The following FAM131B variants were observed in gnomAD, a reference collection of about 807,000 sequenced individuals.
The protein encoded by FAM131B is family with sequence similarity 131 member B.
FAM131B carries 19 observed loss-of-function variants against 42.0 expected under a neutral mutation model. That is an observed-to-expected ratio of 0.45 (90% confidence interval 0.32 to 0.66). FAM131B has a LOEUF of 0.66. FAM131B is among the 30% of genes least tolerant of loss of function. FAM131B has a pLI of 0.05. For missense variants in FAM131B, 370 were observed against 468.4 expected (o/e 0.79, Z 1.94); for synonymous variants, 183 against 177.6 (o/e 1.03, Z -0.24).
At chr7:143,376,970 T>C in the FAM131B span, among the ~76,000 whole-genome samples, 1 of 152,234 alleles carries the variant, frequency 6.6e-6, no homozygotes, top group Non-Finnish European at 1.5e-5. Context: ...ACAATTCTTT[T>C]TTATTTGTTT....
At chr7:143,373,677 G>A in the FAM131B span, among the ~76,000 whole-genome samples, 1 of 152,170 alleles carries the variant, frequency 6.6e-6, no homozygotes, top group African/African-American at 2.4e-5. Flanking sequence ...GGGCCTACAT[G>A]CTCTGAAGGC....
rs1366596854 is a variant in FAM131B at position 143,358,822 on chromosome 7, T to C, written c.466+5A>G. ...GTGTCTCTTGAGGCTTTAGGGTACCTGTACCTGCTAGAAAACGTGCCTCCT... is the reference window on the plus strand; with the variant it reads ...GTGTCTCTTGAGGCTTTAGGGTACCCGTACCTGCTAGAAAACGTGCCTCCT... On this transcript the variant is annotated splice_donor_5th_base_variant and intron_variant, in intron 5 of 6. Transcript: ENST00000443739. This position sits in a 1 kb window ranked among gnomAD's most constrained non-coding sequence, Gnocchi z 4.7. The C allele has an allele frequency of 6.2e-7, 1 of 1,613,436 alleles. No individual in the cohort carries two copies. The highest frequency in any genetic ancestry group is 1.1e-5 in the South Asian group (1 of 90,938).
upstream of FAM131B, among the ~76,000 whole-genome samples, chr7:143,366,043 C>T (rs1316105709): frequency 4.6e-5 from 7 of 152,178 alleles, no homozygotes; most frequent in African/African-American, 1.7e-4. Flanking sequence ...TGAGCCATCG[C>T]ACCTGGCCAA....
At position 143,355,623 on chromosome 7, in the gene FAM131B, A is replaced by G. The variant is rs931744555; in HGVS notation, c.*927T>C. On this transcript the variant is annotated 3_prime_UTR_variant, in exon 7 of 7. Coordinates refer to ENST00000443739, the MANE Select transcript of FAM131B (RefSeq NM_001031690.3). The surrounding 1 kb of genome is among the most constrained non-coding windows in gnomAD (Gnocchi z 4.1). ...GGGTGAATAAGGGGAGACAGCCCTC[A>G]TGCTCCCCCTGCTGTTGGCGACACC... 2 of 152,620 alleles carry G rather than the reference A, an allele frequency of 1.3e-5. No homozygotes were observed. Among genetic ancestry groups the G allele is most frequent in the African/African-American group, 4.8e-5 (2 of 41,440 alleles). 9.5% of individuals were successfully genotyped at this position (152,620 alleles called of 1,614,324 possible).
chr7:143,375,494 G>A, the FAM131B span, among the ~76,000 whole-genome samples: 1 of 152,126 alleles, frequency 6.6e-6, no homozygotes, highest in East Asian at 1.9e-4. Context: ...CATCTCTGGG[G>A]GTGGCATAAA....
the FAM131B span, among the ~76,000 whole-genome samples, chr7:143,373,095 A>C: frequency 6.6e-6 from 1 of 151,286 alleles, no homozygotes; most frequent in Non-Finnish European, 1.5e-5. Flanking sequence ...ATTTATTTTT[A>C]CTCTTGGCCA....
Position 143,356,352 on chromosome 7 carries a change from C to T in FAM131B, c.*198G>A. The T allele has an allele frequency of 3.5e-6, 2 of 579,052 alleles. No homozygotes were observed. The highest frequency in any genetic ancestry group is 6.1e-6 in the Non-Finnish European group (2 of 325,898). The allele number at this position is 579,052 out of a possible 1,614,324, so 35.9% of individuals were successfully genotyped here. ...CCATCTAGTTGCCCAGGTCTCAGTT[C>T]CCAGGCCTGTGGGTTTCTAGAGTGT... On this transcript the variant is annotated 3_prime_UTR_variant, in exon 7 of 7. Coordinates refer to ENST00000443739, the MANE Select transcript of FAM131B (RefSeq NM_001031690.3). The surrounding 1 kb of genome is among the most constrained non-coding windows in gnomAD (Gnocchi z 4.4).
In FAM131B at chr7:143,358,408, T is replaced by C. The variant is rs1161584816; in HGVS notation, c.466+419A>G. ...CTCTCACACAGTTCCCTTAATCTTC[T>C]AGTGGTTGTCACAAGTAATGAGTCT... On this transcript the variant is annotated intron_variant, in intron 5 of 6. Coordinates refer to ENST00000443739, the MANE Select transcript of FAM131B (RefSeq NM_001031690.3). This position sits in a 1 kb window ranked among gnomAD's most constrained non-coding sequence, Gnocchi z 4.7. Among the ~76,000 whole-genome samples, 1 of 152,206 alleles carries C rather than the reference T, an allele frequency of 6.6e-6. No homozygotes were observed. The highest frequency in any genetic ancestry group is 1.5e-5 in the Non-Finnish European group (1 of 68,038).
chr7:143,375,167 A>C, the FAM131B span, among the ~76,000 whole-genome samples: 1 of 152,184 alleles, frequency 6.6e-6, no homozygotes. Context: ...GCTTTACCAA[A>C]TACAGGGCCT....
chr7:143,380,628 T>A, the FAM131B span: 1 of 985,300 alleles, frequency 1.0e-6, no homozygotes, highest in Middle Eastern at 5.2e-4. The surrounding 1 kb of genome is among the most constrained non-coding windows in gnomAD (Gnocchi z 5.0). Context: ...GCTGGGGCGC[T>A]GGGGATGCGA....
chr7:143,378,805 G>A, the FAM131B span, among the ~76,000 whole-genome samples: 7 of 152,128 alleles, frequency 4.6e-5, no homozygotes, highest in African/African-American at 1.4e-4. Flanking sequence ...TCAAACTTCC[G>A]ACCTCAAGTG....
At chr7:143,367,303 A>G (rs1563099812), upstream of FAM131B, among the ~76,000 whole-genome samples, 1 of 152,230 alleles carries the variant, frequency 6.6e-6, no homozygotes, top group African/African-American at 2.4e-5. Context: ...TCTGTTGGAC[A>G]CTATGAAAGA....
Position 143,355,194 on chromosome 7 carries a change from G to A in FAM131B, c.*1356C>T, listed in dbSNP as rs778886453. Reference sequence around the variant, plus strand: ...AAGTGCTCTCCAACCCCACAGCACCGCTGCTTTGCTCCGCCCATCCTCTGC... The same window carrying A: ...AAGTGCTCTCCAACCCCACAGCACCACTGCTTTGCTCCGCCCATCCTCTGC... On this transcript the variant is annotated 3_prime_UTR_variant, in exon 7 of 7. Transcript: ENST00000443739. The surrounding 1 kb of genome is among the most constrained non-coding windows in gnomAD (Gnocchi z 4.1). 4 of 152,658 alleles carry A rather than the reference G, an allele frequency of 2.6e-5. No individual in the cohort carries two copies. The highest frequency in any genetic ancestry group is 2.1e-4 in the South Asian group (1 of 4,840). 9.5% of individuals were successfully genotyped at this position (152,658 alleles called of 1,614,324 possible).
the FAM131B span, chr7:143,382,113 C>G: frequency 1.3e-6 from 1 of 760,214 alleles, no homozygotes; most frequent in Non-Finnish European, 2.1e-6. Flanking sequence ...GCGCCCTGCG[C>G]CCCTCCTTTG....
the FAM131B span, among the ~76,000 whole-genome samples, chr7:143,368,952 T>A: frequency 1.3e-5 from 2 of 152,244 alleles, no homozygotes; most frequent in African/African-American, 2.4e-5. Flanking sequence ...TCCAGTTGGC[T>A]ATGTCTTTAT....
Position 143,356,790 on chromosome 7 carries a change from C to CA in FAM131B, c.842dup (p.Asp284ArgfsTer3). On this transcript the variant is annotated frameshift_variant, in exon 7 of 7. Transcript: ENST00000443739. LOFTEE classifies it high-confidence loss of function. This position sits in a 1 kb window ranked among gnomAD's most constrained non-coding sequence, Gnocchi z 4.4. Reference sequence around the variant, plus strand: ...CCGGAGCCCAGTCAGTGTCTCCCCCCAGCAAAGGTGGAGGCTCCAGAGCAG... The same window carrying CA: ...CCGGAGCCCAGTCAGTGTCTCCCCCCAAGCAAAGGTGGAGGCTCCAGAGCAG... 1 of 1,614,136 alleles carries CA rather than the reference C, an allele frequency of 6.2e-7. No individual in the cohort carries two copies.
the FAM131B span, among the ~76,000 whole-genome samples, chr7:143,376,371 T>G: frequency 1.6e-4 from 24 of 152,304 alleles, no homozygotes; most frequent in Admixed American, 1.5e-3. Context: ...TTTCTTTATA[T>G]CCAGAGTGCC....
intron 5 of FAM131B, among the ~76,000 whole-genome samples, chr7:143,357,950 A>T (rs1803750591): frequency 6.6e-6 from 1 of 152,218 alleles, no homozygotes; most frequent in South Asian, 2.1e-4. Context: ...CAAATTCGAG[A>T]TTTCCAGATA....
Position 143,356,566 on chromosome 7 carries a change from C to A in FAM131B, c.1067G>T (p.Gly356Val), listed in dbSNP as rs1586531335. 8.1e-6 allele frequency: 13 copies of A among 1,612,812 alleles called. No individual in the cohort carries two copies. In the East Asian group the frequency reaches 2.9e-4, roughly 36 times the overall value. ...GGGAGGAAACTAGTTGTTGGCCTCGCCTTCCTCCTCATCAAAGGACTGCAC... is the reference window on the plus strand; with the variant it reads ...GGGAGGAAACTAGTTGTTGGCCTCGACTTCCTCCTCATCAAAGGACTGCAC... Reference protein sequence around the residue: ...SGVQSFDEEEGEANN With the variant: ...SGVQSFDEEEVEANN Residue 356 changes from glycine to valine, a missense_variant, in exon 7 of 7, where the codon GGC becomes GTC. Gly to Val is a moderately radical substitution (Grantham distance 109). Transcript: ENST00000443739. This position sits in a 1 kb window ranked among gnomAD's most constrained non-coding sequence, Gnocchi z 4.4.
Sources: allele counts gnomAD v4.1 joint callset (sites outside exome capture counted in the v4.1 genomes callset), GRCh38; gene constraint gnomAD v4.1.1; non-coding constraint Gnocchi (gnomAD v3.1); transcripts MANE v1.5; gene names NCBI Gene and HGNC (gene_info 2026-07-23, HGNC 2026-07-21).